Variants in OXR1 observed in about 807,000 individuals in gnomAD.
The protein encoded by OXR1 is oxidation resistance protein 1.
Under a neutral mutation model 104.6 loss-of-function variants are expected in OXR1, and 41 were observed. The observed-to-expected ratio is 0.39, with a 90% CI of 0.31 to 0.51. OXR1 has a LOEUF of 0.51. Among genes scored for constraint, OXR1 ranks in the 20% least tolerant of loss-of-function variants. The pLI, the probability that OXR1 is intolerant of heterozygous loss-of-function variation, is 0.77. For synonymous variants in OXR1, 348 were observed against 348.4 expected (o/e 1.00, Z 0.01); for missense variants, 955 against 1,031.9 (o/e 0.93, Z 1.02).
At chr8:106,344,211 A>T (rs977350849) in intron 1 of OXR1, among the ~76,000 whole-genome samples, 1 of 152,136 alleles carries the variant, frequency 6.6e-6, no homozygotes, top group African/African-American at 2.4e-5. Context: ...TGGGGTGGAG[A>T]TGTTAAGTCC....
chr8:106,735,188 C>A (rs1350321385), intron 11 of OXR1, among the ~76,000 whole-genome samples: 2 of 151,382 alleles, frequency 1.3e-5, no homozygotes, highest in African/African-American at 4.8e-5. Flanking sequence ...AAATTCAAAT[C>A]TCTTTTTTCT....
chr8:106,343,697 G>A (rs1815351543), intron 1 of OXR1, among the ~76,000 whole-genome samples: 1 of 152,206 alleles, frequency 6.6e-6, no homozygotes, highest in African/African-American at 2.4e-5. Flanking sequence ...TAAGGAAGGT[G>A]TATCCTCAAA....
rs543904352 is a variant in OXR1, at chr8:106,474,230, A to G, written c.24-44713A>G. ...GAAGTCATGAGCTTTCGAATGTCTG[A>G]TCATGAACAGCAGCATACTACTGGA... On this transcript the variant is annotated intron_variant, in intron 2 of 16. Transcript: ENST00000517566. Among the ~76,000 whole-genome samples, 6 of 151,686 alleles carry G rather than the reference A, an allele frequency of 4.0e-5. No homozygotes were observed. In the South Asian group the frequency reaches 8.3e-4, roughly 21 times the overall value.
At chr8:106,349,242 T>C (rs2130301451) in intron 1 of OXR1, among the ~76,000 whole-genome samples, 1 of 152,294 alleles carries the variant, frequency 6.6e-6, no homozygotes, top group Admixed American at 6.5e-5. Context: ...ATGATCCAAA[T>C]GTTCAAAAAA....
chr8:106,423,968 G>C (rs1397555741), intron 2 of OXR1, among the ~76,000 whole-genome samples: 2 of 152,012 alleles, frequency 1.3e-5, no homozygotes, highest in African/African-American at 2.4e-5. Flanking sequence ...ACAGAGTCTC[G>C]CTGTGTGGCC....
chr8:106,292,245 CAA>C (rs1586481629), intron 1 of OXR1, among the ~76,000 whole-genome samples: 1 of 152,164 alleles, frequency 6.6e-6, no homozygotes, highest in Non-Finnish European at 1.5e-5. Flanking sequence ...TTGGATATGC[CAA>C]AGAGAAGCTG....
chr8:106,302,005 T>C (rs1405426489), intron 1 of OXR1, among the ~76,000 whole-genome samples: 1 of 152,144 alleles, frequency 6.6e-6, no homozygotes, highest in African/African-American at 2.4e-5. Context: ...GTCAATTTTG[T>C]TAAATTACTG....
At chr8:106,413,820 T>G (rs1030400025) in intron 2 of OXR1, among the ~76,000 whole-genome samples, 1 of 151,632 alleles carries the variant, frequency 6.6e-6, no homozygotes, top group Non-Finnish European at 1.5e-5. Flanking sequence ...ACCTCCTGGG[T>G]TGGAGCAATT....
intron 3 of OXR1, among the ~76,000 whole-genome samples, chr8:106,611,937 A>G (rs894760475): frequency 8.9e-5 from 9 of 100,936 alleles, no homozygotes; most frequent in Non-Finnish European, 1.8e-4. Flanking sequence ...AAAACACATA[A>G]AAACAAAAAA....
chr8:106,654,714 C>T (rs780567254), intron 3 of OXR1, among the ~76,000 whole-genome samples: 24 of 152,044 alleles, frequency 1.6e-4, no homozygotes, highest in Admixed American at 5.9e-4. Flanking sequence ...ATGCAAAGCA[C>T]GGATGTGATA....
At chr8:106,501,297 G>T (rs889868750) in intron 2 of OXR1, among the ~76,000 whole-genome samples, 1 of 152,142 alleles carries the variant, frequency 6.6e-6, no homozygotes, top group Admixed American at 6.6e-5. Flanking sequence ...CTTGAAGTTG[G>T]TGCAATTTCT....
chr8:106,661,946 C>G (rs907703866), intron 3 of OXR1, among the ~76,000 whole-genome samples: 5 of 152,168 alleles, frequency 3.3e-5, no homozygotes, highest in Non-Finnish European at 4.4e-5. Flanking sequence ...GATGCATTAA[C>G]TCCTCTGATG....
chr8:106,735,629 G>A (rs1310692724), intron 11 of OXR1, among the ~76,000 whole-genome samples: 2 of 152,022 alleles, frequency 1.3e-5, no homozygotes, highest in East Asian at 3.8e-4. Context: ...GACAATCCTT[G>A]TCTAGGAGAC....
intron 2 of OXR1, among the ~76,000 whole-genome samples, chr8:106,381,155 A>C (rs575243858): frequency 2.2e-4 from 33 of 152,334 alleles, no homozygotes; most frequent in African/African-American, 7.2e-4. Flanking sequence ...TGAAGAGTTC[A>C]CACAGGACTG....
At chr8:106,637,713 A>G (rs1823260575) in intron 3 of OXR1, among the ~76,000 whole-genome samples, 2 of 151,740 alleles carry the variant, frequency 1.3e-5, no homozygotes, top group African/African-American at 4.8e-5. Context: ...CTATCAAATC[A>G]GAATCAGATA....
chr8:106,503,887 C>A (rs1267290928), intron 2 of OXR1, among the ~76,000 whole-genome samples: 1 of 152,054 alleles, frequency 6.6e-6, no homozygotes, highest in Non-Finnish European at 1.5e-5. Context: ...CTGTCAGAGC[C>A]CTGGGAAGGA....
intron 3 of OXR1, among the ~76,000 whole-genome samples, chr8:106,604,597 T>C (rs1208308209): frequency 6.6e-6 from 1 of 152,200 alleles, no homozygotes; most frequent in African/African-American, 2.4e-5. Flanking sequence ...CTGAGTTTCT[T>C]TACTAACATA....
At chr8:106,385,431 C>T (rs16874487) in intron 2 of OXR1, among the ~76,000 whole-genome samples, 5,690 of 152,178 alleles carry the variant, frequency 0.037, 121 homozygotes, top group East Asian at 0.067. Context: ...GTTGAGCTTA[C>T]GTAAATTTTT....
At chr8:106,587,698 G>T (rs1168015485) in intron 3 of OXR1, among the ~76,000 whole-genome samples, 7 of 152,122 alleles carry the variant, frequency 4.6e-5, no homozygotes, top group Non-Finnish European at 1.0e-4. Context: ...AAACTATGTA[G>T]CATGGTTTTT....
Sources: gnomAD v4.1 joint callset for allele counts (sites outside exome capture counted in the v4.1 genomes callset) on GRCh38, gnomAD v4.1.1 for gene constraint, MANE v1.5 for transcripts, NCBI Gene and HGNC (gene_info 2026-07-23, HGNC 2026-07-21) for gene names.